The following ADAMTS12 variants were observed in gnomAD, a reference collection of about 807,000 sequenced individuals.
ADAMTS12 encodes the protein A disintegrin and metalloproteinase with thrombospondin motifs 12.
Under a neutral mutation model 167.8 loss-of-function variants are expected in ADAMTS12, and 118 were observed. The observed-to-expected ratio is 0.70, with a 90% CI of 0.61 to 0.82. The LOEUF is 0.82. ADAMTS12 is among the 40% of genes least tolerant of loss of function. The pLI, the probability that ADAMTS12 is intolerant of heterozygous loss-of-function variation, is 0.00. For missense variants in ADAMTS12, 1,916 were observed against 1,998.8 expected (o/e 0.96, Z 0.79); for synonymous variants, 704 against 716.9 (o/e 0.98, Z 0.29).
At chr5:33,637,253 G>A (rs2112162074) in intron 12 of ADAMTS12, among the ~76,000 whole-genome samples, 1 of 152,188 alleles carries the variant, frequency 6.6e-6, no homozygotes. Flanking sequence ...AGTTTCTCAT[G>A]TCCATCAACA....
chr5:33,817,935 A>G (rs1437228563), intron 2 of ADAMTS12, among the ~76,000 whole-genome samples: 1 of 152,122 alleles, frequency 6.6e-6, no homozygotes, highest in African/African-American at 2.4e-5. Flanking sequence ...ATATAAATAG[A>G]GCATTGAGGT....
intron 2 of ADAMTS12, among the ~76,000 whole-genome samples, chr5:33,840,618 G>A (rs1418571656): frequency 6.6e-6 from 1 of 152,246 alleles, no homozygotes; most frequent in Non-Finnish European, 1.5e-5. Flanking sequence ...CACACAGTCA[G>A]GTGTTGAAAC....
intron 1 of ADAMTS12, among the ~76,000 whole-genome samples, chr5:33,890,592 A>AAAGGGATGT (rs1197356744): frequency 6.6e-6 from 1 of 152,204 alleles, no homozygotes; most frequent in African/African-American, 2.4e-5. Flanking sequence ...CTTGGGAATT[A>AAAGGGATGT]AAGGGATGTC....
chr5:33,538,637 C>T (rs2111772594), intron 22 of ADAMTS12, among the ~76,000 whole-genome samples: 1 of 152,268 alleles, frequency 6.6e-6, no homozygotes, highest in South Asian at 2.1e-4. Context: ...TCCCTCCCTT[C>T]CCGGATAAAC....
intron 5 of ADAMTS12, among the ~76,000 whole-genome samples, chr5:33,670,538 T>C (rs916177704): frequency 2.0e-5 from 3 of 152,162 alleles, no homozygotes; most frequent in African/African-American, 7.2e-5. Flanking sequence ...GGTCAGGAGT[T>C]TGAGACCAGC....
chr5:33,749,460 T>A (rs1314583240), intron 3 of ADAMTS12, among the ~76,000 whole-genome samples: 1 of 151,978 alleles, frequency 6.6e-6, no homozygotes, highest in Non-Finnish European at 1.5e-5. Flanking sequence ...AAGGTTCTTC[T>A]AGTAGAGCTG....
chr5:33,861,889 C>T (rs1749629555), intron 2 of ADAMTS12, among the ~76,000 whole-genome samples: 1 of 152,210 alleles, frequency 6.6e-6, no homozygotes, highest in Admixed American at 6.5e-5. Context: ...CAAAACCTCA[C>T]AAGTACATGG....
chr5:33,591,793 C>T (rs1406888721), intron 17 of ADAMTS12, among the ~76,000 whole-genome samples: 1 of 152,130 alleles, frequency 6.6e-6, no homozygotes, highest in African/African-American at 2.4e-5. Flanking sequence ...TGTCTGAAGA[C>T]ATTTTTCGTC....
intron 1 of ADAMTS12, among the ~76,000 whole-genome samples, chr5:33,885,888 G>T (rs1333424102): frequency 1.3e-5 from 2 of 152,202 alleles, no homozygotes; most frequent in Non-Finnish European, 2.9e-5. Context: ...GCAGGCCAGG[G>T]TGGAGGCAGC....
intron 6 of ADAMTS12, among the ~76,000 whole-genome samples, 162 bp from the exon 7 acceptor site, chr5:33,658,495 T>C (rs1159971686): frequency 1.3e-5 from 2 of 152,212 alleles, no homozygotes; most frequent in African/African-American, 4.8e-5. Context: ...TTGAATTCAC[T>C]GAGATGATTC....
intron 2 of ADAMTS12, among the ~76,000 whole-genome samples, chr5:33,805,247 C>T (rs1468495491): frequency 6.6e-6 from 1 of 152,186 alleles, no homozygotes; most frequent in African/African-American, 2.4e-5. Context: ...TCAACATCAA[C>T]AATCCACAGC....
chr5:33,710,190 TAG>T (rs1743343356), intron 3 of ADAMTS12, among the ~76,000 whole-genome samples: 1 of 152,204 alleles, frequency 6.6e-6, no homozygotes, highest in South Asian at 2.1e-4. Flanking sequence ...GAACTATTTT[TAG>T]AGTTTTAAAT....
At chr5:33,540,927 C>T (rs1744662879) in intron 22 of ADAMTS12, among the ~76,000 whole-genome samples, 1 of 152,226 alleles carries the variant, frequency 6.6e-6, no homozygotes, top group African/African-American at 2.4e-5. Flanking sequence ...TTCCTCTTCT[C>T]CTTCAAAGGA....
At chr5:33,762,719 T>C (rs114753531) in intron 2 of ADAMTS12, among the ~76,000 whole-genome samples, 4 of 152,206 alleles carry the variant, frequency 2.6e-5, no homozygotes, top group African/African-American at 9.6e-5. Flanking sequence ...ATAGGAAATG[T>C]ACAACATAAT....
intron 2 of ADAMTS12, among the ~76,000 whole-genome samples, chr5:33,773,166 T>C (rs1468594561): frequency 6.6e-6 from 1 of 152,202 alleles, no homozygotes; most frequent in Non-Finnish European, 1.5e-5. Context: ...AACTGCTGCT[T>C]ATCTTTTTTT....
At position 33,770,817 on chromosome 5, in the gene ADAMTS12, T is replaced by C. The variant is rs540881032; in HGVS notation, c.490-19269A>G. ...CTTCTCCTCCTTCTTCTTCTTCTCC[T>C]TCCTCTTCTTCTTCCTCTTCCCCTC... On this transcript the variant is annotated intron_variant, in intron 2 of 23. Transcript: ENST00000504830. Among the ~76,000 whole-genome samples, 5 of 151,168 alleles carry C rather than the reference T, an allele frequency of 3.3e-5. No homozygotes were observed. In the East Asian group the frequency reaches 9.7e-4, roughly 29 times the overall value.
intron 21 of ADAMTS12, 56 bp downstream of exon 21, chr5:33,549,151 A>T: frequency 6.3e-7 from 1 of 1,577,710 alleles, no homozygotes. Context: ...AGTAACACAG[A>T]GATTCATGGC....
intron 3 of ADAMTS12, among the ~76,000 whole-genome samples, chr5:33,733,494 T>C (rs557673097): frequency 8.6e-4 from 131 of 152,270 alleles, no homozygotes; most frequent in Admixed American, 3.4e-3. Context: ...GTAAGAGACA[T>C]TGTTAAGTTT....
At chr5:33,802,011 T>G (rs1488461425) in intron 2 of ADAMTS12, among the ~76,000 whole-genome samples, 1 of 152,184 alleles carries the variant, frequency 6.6e-6, no homozygotes, top group Admixed American at 6.5e-5. Flanking sequence ...GGAGCCCTCA[T>G]GAATGAGATC....
Sources: gnomAD v4.1 joint callset for allele counts (sites outside exome capture counted in the v4.1 genomes callset) on GRCh38, gnomAD v4.1.1 for gene constraint, MANE v1.5 for transcripts, NCBI Gene and HGNC (gene_info 2026-07-23, HGNC 2026-07-21) for gene names.